ROBO2: variants seen among roughly 807,000 people sequenced by gnomAD.
ROBO2 encodes roundabout homolog 2.
A neutral mutation model predicts 160.8 loss-of-function variants in ROBO2; 53 were observed. That is an observed-to-expected ratio of 0.33 (90% confidence interval 0.26 to 0.41). The LOEUF is 0.41. Ranked by LOEUF, ROBO2 falls within the 10% of genes least tolerant of loss-of-function variation. ROBO2 has a pLI of 1.00. For synonymous variants in ROBO2, 664 were observed against 611.7 expected, an observed-to-expected ratio of 1.09 and a Z score of -1.26; for missense variants, 1,577 against 1,722.4, an observed-to-expected ratio of 0.92 and a Z score of 1.49.
At chr3:77,255,983 A>C (rs114620849) in intron 2 of ROBO2, among the ~76,000 whole-genome samples, 1,586 of 152,222 alleles carry the variant, frequency 0.01, 21 homozygotes, top group African/African-American at 0.034. Context: ...TGTGCTTTCA[A>C]CTCTGAGCAT....
chr3:76,177,273 T>C (rs1375708741), intron 2 of ROBO2, among the ~76,000 whole-genome samples: 2 of 152,160 alleles, frequency 1.3e-5, no homozygotes, highest in Non-Finnish European at 2.9e-5. Flanking sequence ...ATAATAAACA[T>C]TTAAATTTGA....
intron 2 of ROBO2, among the ~76,000 whole-genome samples, chr3:77,467,583 GTCTGTATC>G (rs1326081229): frequency 7.6e-6 from 1 of 132,354 alleles, no homozygotes; most frequent in Non-Finnish European, 1.6e-5. Flanking sequence ...TCATCTATCT[GTCTGTATC>G]TATCTATCTA....
chr3:76,064,962 A>T (rs967723654), intron 2 of ROBO2, among the ~76,000 whole-genome samples: 2 of 152,078 alleles, frequency 1.3e-5, no homozygotes, highest in African/African-American at 4.8e-5. Context: ...TTATCACAGG[A>T]GTATAACAAA....
At chr3:77,003,308 G>C (rs2061421291) in intron 2 of ROBO2, among the ~76,000 whole-genome samples, 1 of 152,098 alleles carries the variant, frequency 6.6e-6, no homozygotes, top group Admixed American at 6.5e-5. Context: ...ATTCAGAATA[G>C]GCAATAAGAT....
At chr3:76,565,387 C>T (rs749379162) in intron 2 of ROBO2, among the ~76,000 whole-genome samples, 4 of 152,126 alleles carry the variant, frequency 2.6e-5, no homozygotes, top group Admixed American at 1.3e-4. Flanking sequence ...ATACGATAGC[C>T]ACAGAATCTT....
chr3:76,591,400 T>C (rs1406280010), intron 2 of ROBO2, among the ~76,000 whole-genome samples: 1 of 152,140 alleles, frequency 6.6e-6, no homozygotes. Context: ...AGTTCAGACC[T>C]GTGTTGTTTA....
chr3:77,363,576 A>G (rs956223480), intron 2 of ROBO2, among the ~76,000 whole-genome samples: 1 of 151,774 alleles, frequency 6.6e-6, no homozygotes, highest in Non-Finnish European at 1.5e-5. Flanking sequence ...TGCTAAGTTT[A>G]GCGTAGAATG....
intron 2 of ROBO2, among the ~76,000 whole-genome samples, chr3:76,252,705 TATATATACACACACTCAC>T (rs1265909156): frequency 2.0e-5 from 3 of 151,830 alleles, no homozygotes; most frequent in Admixed American, 2.0e-4. Flanking sequence ...CAAATATGTG[TATATATACACACACTCAC>T]ATATATACAT....
intron 2 of ROBO2, among the ~76,000 whole-genome samples, chr3:76,257,866 GA>G (rs1422048193): frequency 3.3e-5 from 5 of 152,150 alleles, no homozygotes; most frequent in African/African-American, 1.2e-4. Flanking sequence ...TGGGGTGGGG[GA>G]AAGATAGAAC....
intron 2 of ROBO2, among the ~76,000 whole-genome samples, chr3:77,219,123 C>T (rs1560268421): frequency 1.3e-5 from 2 of 151,782 alleles, no homozygotes; most frequent in African/African-American, 4.8e-5. Flanking sequence ...TGCCTACCAG[C>T]ACGCCCCGCT....
At chr3:76,689,688 G>A (rs370521501) in intron 2 of ROBO2, among the ~76,000 whole-genome samples, 65 of 152,272 alleles carry the variant, frequency 4.3e-4, no homozygotes, top group African/African-American at 1.5e-3. Flanking sequence ...GAGCATGGGA[G>A]AGATTATGTA....
At chr3:77,349,033 GCTT>G (rs1017106003) in intron 2 of ROBO2, among the ~76,000 whole-genome samples, 6 of 151,916 alleles carry the variant, frequency 3.9e-5, no homozygotes, top group East Asian at 1.9e-4. Flanking sequence ...TTCCTGCCTT[GCTT>G]CTTCTTCTCA....
chr3:76,245,704 C>T (rs1414527387), intron 2 of ROBO2, among the ~76,000 whole-genome samples: 1 of 152,098 alleles, frequency 6.6e-6, no homozygotes, highest in Non-Finnish European at 1.5e-5. Flanking sequence ...AGCATTACAT[C>T]TTCTGCTCAA....
chr3:77,476,161 G>C (rs778879616), intron 2 of ROBO2, among the ~76,000 whole-genome samples: 10 of 152,046 alleles, frequency 6.6e-5, no homozygotes, highest in Non-Finnish European at 1.5e-4. Context: ...TTAAGGACAG[G>C]GTTTTTTATT....
At chr3:76,550,382 T>A (rs2083343599) in intron 2 of ROBO2, among the ~76,000 whole-genome samples, 2 of 152,234 alleles carry the variant, frequency 1.3e-5, no homozygotes, top group African/African-American at 2.4e-5. Context: ...TCCACATCCA[T>A]GAATTCAACA....
intron 2 of ROBO2, among the ~76,000 whole-genome samples, chr3:76,461,272 C>G (rs1385001278): frequency 6.6e-6 from 1 of 152,146 alleles, no homozygotes; most frequent in Non-Finnish European, 1.5e-5. Context: ...CAAGATCTCA[C>G]TATCATGAAG....
rs1421100761 is a variant in ROBO2 at position 77,596,755 on chromosome 3, G to A, written c.2854+5G>A. 1.2e-6 allele frequency: 2 copies of A among 1,611,530 alleles called. No individual in the cohort carries two copies. The highest frequency in any genetic ancestry group is 1.7e-6 in the Non-Finnish European group (2 of 1,179,082). ...TTGGAAATTTTGGCCGTGGAGGTAA[G>A]TTGTGTTTTTTAAAATAGTGTTATT... On this transcript the variant is annotated splice_donor_5th_base_variant and intron_variant, in intron 19 of 25. Transcript: ENST00000461745.
intron 2 of ROBO2, among the ~76,000 whole-genome samples, chr3:76,220,243 G>A (rs184973790): frequency 0.027 from 4,095 of 151,210 alleles, 75 homozygotes; most frequent in Middle Eastern, 0.048. Flanking sequence ...CGAGTTAATG[G>A]GTGCAGCACA....
Position 77,419,206 on chromosome 3 carries a change from C to T in ROBO2, c.389-58208C>T, listed in dbSNP as rs146210989. Among the ~76,000 whole-genome samples, 570 of 152,004 alleles carry T rather than the reference C, an allele frequency of 3.7e-3. 7 individuals are homozygous for T. Among genetic ancestry groups the T allele is most frequent in the East Asian group, 0.012 (60 of 5,172 alleles). On this transcript the variant is annotated intron_variant, in intron 2 of 25. Transcript: ENST00000461745. Reference sequence around the variant, plus strand: ...TTAAGTAATGTCCTATCATAGAAAACGTTAAATCATACTTTGTCAGCTCAC... The same window carrying T: ...TTAAGTAATGTCCTATCATAGAAAATGTTAAATCATACTTTGTCAGCTCAC...
Sources: allele counts gnomAD v4.1 joint callset (sites outside exome capture counted in the v4.1 genomes callset), GRCh38; gene constraint gnomAD v4.1.1; transcripts MANE v1.5; gene names NCBI Gene and HGNC (gene_info 2026-07-23, HGNC 2026-07-21).